The following FAM210A variants were observed in gnomAD, a reference collection of about 807,000 sequenced individuals.
FAM210A encodes mitochondrial inner membrane scaffold 1.
Under a neutral mutation model 25.3 loss-of-function variants are expected in FAM210A, and 13 were observed. The observed-to-expected ratio is 0.51, with a 90% CI of 0.33 to 0.82. The LOEUF is 0.82. Among genes scored for constraint, FAM210A ranks in the 40% least tolerant of loss-of-function variants. FAM210A has a pLI of 0.02. For missense variants in FAM210A, 319 were observed against 323.2 expected (o/e 0.99, Z 0.10); for synonymous variants, 125 against 118.7 (o/e 1.05, Z -0.35).
chr18:13,691,487 C>G (rs891536793), intron 1 of FAM210A, among the ~76,000 whole-genome samples: 4 of 152,018 alleles, frequency 2.6e-5, no homozygotes, highest in Non-Finnish European at 5.9e-5. Context: ...AAGGAAAAAA[C>G]GTTAAGGGCA....
At chr18:13,699,491 T>A (rs1355806280) in intron 1 of FAM210A, among the ~76,000 whole-genome samples, 2 of 152,162 alleles carry the variant, frequency 1.3e-5, no homozygotes, top group Non-Finnish European at 2.9e-5. Flanking sequence ...AATCAATGAT[T>A]TTTCCAAAAT....
At chr18:13,682,366 G>A (rs1160790439) in intron 1 of FAM210A, among the ~76,000 whole-genome samples, 1 of 152,068 alleles carries the variant, frequency 6.6e-6, no homozygotes, top group Non-Finnish European at 1.5e-5. Context: ...CAGGAGTTCC[G>A]AGACCAGCCT....
rs1203955852 is a variant in FAM210A at position 13,726,520 on chromosome 18, C to CGTGCTCGCGACCTCCA, written c.-236_-221dup. ...CCCCGCCAGCCGCGCCCACTAGCAA[C>CGTGCTCGCGACCTCCA]GTGCTCGCGACCTCCAGTGCCCGCT... On this transcript the variant is annotated 5_prime_UTR_variant, in exon 1 of 4. Transcript: ENST00000651643. The CGTGCTCGCGACCTCCA allele has an allele frequency of 6.6e-5, 10 of 152,524 alleles. No homozygotes were observed. The highest frequency in any genetic ancestry group is 2.2e-4 in the African/African-American group (9 of 41,580). 9.4% of individuals were successfully genotyped at this position (152,524 alleles called of 1,614,324 possible). A position where few individuals can be genotyped will look rare whatever the true frequency, so the allele number is the denominator to read the frequency against.
In FAM210A at chr18:13,664,998, C is replaced by T. The variant is rs1476032792; in HGVS notation, c.*1482G>A. The T allele has an allele frequency of 6.5e-6, 1 of 152,802 alleles. No individual in the cohort carries two copies. The highest frequency in any genetic ancestry group is 1.9e-4 in the East Asian group (1 of 5,194). 9.5% of individuals were successfully genotyped at this position (152,802 alleles called of 1,614,324 possible). A position where few individuals can be genotyped will look rare whatever the true frequency, so the allele number is the denominator to read the frequency against. Reference sequence around the variant, plus strand: ...AGACACTTACATACTCAAACACACCCCACCAGCCCCGCAACGCTCACAGCT... The same window carrying T: ...AGACACTTACATACTCAAACACACCTCACCAGCCCCGCAACGCTCACAGCT... On this transcript the variant is annotated 3_prime_UTR_variant, in exon 4 of 4. Transcript: ENST00000651643.
At position 13,681,698 on chromosome 18, in the gene FAM210A, T is replaced by C; in HGVS notation, c.380A>G (p.Lys127Arg). 1 of 1,614,246 alleles carries C rather than the reference T, an allele frequency of 6.2e-7. No individual in the cohort carries two copies. The highest frequency in any genetic ancestry group is 1.1e-5 in the South Asian group (1 of 91,082). The change falls in exon 2 of 4, where the codon AAG becomes AGG. Residue 127 changes from lysine (K) to arginine (R), a missense_variant. Coordinates refer to ENST00000651643, the MANE Select transcript of FAM210A (RefSeq NM_152352.4). Reference sequence around the variant, plus strand: ...TTTTCCATACTGTCTAAATGTCTTCTTGAATCGTTGATAAAGACTAATAGA... The same window carrying C: ...TTTTCCATACTGTCTAAATGTCTTCCTGAATCGTTGATAAAGACTAATAGA... ...DKSISLYQRF[K>R]KTFRQYGKVL...
At chr18:13,715,239 C>G (rs1256575809) in intron 1 of FAM210A, 1 of 152,138 alleles carries the variant, frequency 6.6e-6, no homozygotes, top group African/African-American at 2.4e-5. Context: ...CTCTGGTGGT[C>G]CTCTGCTCCA....
chr18:13,669,343 G>A (rs1198130547), intron 3 of FAM210A, among the ~76,000 whole-genome samples: 1 of 152,154 alleles, frequency 6.6e-6, no homozygotes, highest in Admixed American at 6.5e-5. Flanking sequence ...AAAAAGCAAA[G>A]TCCTTTTAAG....
chr18:13,707,558 A>G (rs1367015161), intron 1 of FAM210A, among the ~76,000 whole-genome samples: 1 of 152,244 alleles, frequency 6.6e-6, no homozygotes, highest in Non-Finnish European at 1.5e-5. Context: ...TAATAGTGAC[A>G]TCAAGGACTA....
At chr18:13,724,289 T>C (rs1447116589) in intron 1 of FAM210A, among the ~76,000 whole-genome samples, 1 of 152,234 alleles carries the variant, frequency 6.6e-6, no homozygotes, top group Non-Finnish European at 1.5e-5. Flanking sequence ...TAGCCAGCAC[T>C]GTTTCATTAT....
intron 1 of FAM210A, among the ~76,000 whole-genome samples, chr18:13,711,262 T>C (rs1173276969): frequency 2.0e-5 from 3 of 152,088 alleles, no homozygotes; most frequent in South Asian, 2.1e-4. Context: ...TCCCAGCTTC[T>C]TGGGAGGCTG....
intron 1 of FAM210A, among the ~76,000 whole-genome samples, chr18:13,694,981 T>C (rs951017294): frequency 2.6e-5 from 4 of 152,222 alleles, no homozygotes; most frequent in African/African-American, 9.6e-5. Flanking sequence ...GACAAAGGGC[T>C]AATATCCAGA....
chr18:13,722,162 C>G (rs986835350), intron 1 of FAM210A, among the ~76,000 whole-genome samples: 1 of 151,996 alleles, frequency 6.6e-6, no homozygotes, highest in African/African-American at 2.4e-5. Flanking sequence ...CCAACGAGTT[C>G]TCTTCTAGGG....
At chr18:13,676,174 C>T (rs868197623) in intron 2 of FAM210A, among the ~76,000 whole-genome samples, 1 of 18,410 alleles carries the variant, frequency 5.4e-5, no homozygotes, top group Non-Finnish European at 1.1e-4. Flanking sequence ...GCCCCGACTT[C>T]ATTTCCAGTT....
intron 1 of FAM210A, among the ~76,000 whole-genome samples, chr18:13,721,668 G>A (rs1568491007): frequency 6.6e-6 from 1 of 152,120 alleles, no homozygotes; most frequent in Non-Finnish European, 1.5e-5. Flanking sequence ...GTCTATACCA[G>A]TTATGCATCC....
chr18:13,682,058 C>G lies in FAM210A; in HGVS notation c.20G>C (p.Arg7Pro), dbSNP rs745561931. 3.1e-6 allele frequency: 5 copies of G among 1,600,014 alleles called. No individual in the cohort carries two copies. The African/African-American group carries it at 5.4e-5, about 17-fold the overall frequency. ...CCTGCGTGCCAGTCGAGATACAGTC[C>G]GTGGTACATTCCATTGCATTTTGAA... MQWNVPRTVSRLARRTC... is the reference protein window; with the variant it reads MQWNVPPTVSRLARRTC... Residue 7 changes from arginine (R) to proline (P), a missense_variant, in exon 2 of 4, where the codon CGG (arginine) becomes CCG (proline). Transcript: ENST00000651643.
intron 2 of FAM210A, among the ~76,000 whole-genome samples, chr18:13,677,432 A>G (rs566540066): frequency 1.3e-5 from 2 of 152,290 alleles, no homozygotes; most frequent in East Asian, 3.9e-4. Flanking sequence ...GTCGTGATCG[A>G]CTGAGTAAGC....
At position 13,663,467 on chromosome 18, in the gene FAM210A, C is replaced by A. The variant is rs955104850; in HGVS notation, c.*3013G>T. 1.3e-5 allele frequency: 2 copies of A among 152,098 alleles called. No individual in the cohort carries two copies. Among genetic ancestry groups the A allele is most frequent in the Admixed American group, 6.6e-5 (1 of 15,266 alleles). 9.4% of individuals were successfully genotyped at this position (152,098 alleles called of 1,614,324 possible). On this transcript the variant is annotated 3_prime_UTR_variant, in exon 4 of 4. Transcript: ENST00000651643. Reference sequence around the variant, plus strand: ...AGCACCCTGCTGTATGTACAAAAGGCTGTCTCAGTGAAATACATTTTTTGA... The same window carrying A: ...AGCACCCTGCTGTATGTACAAAAGGATGTCTCAGTGAAATACATTTTTTGA...
At chr18:13,674,227 GAC>G (rs1491532261) in intron 2 of FAM210A, among the ~76,000 whole-genome samples, 1 of 111,578 alleles carries the variant, frequency 9.0e-6, no homozygotes, top group Non-Finnish European at 1.8e-5. Context: ...CCTGAGCCCC[GAC>G]TTTATTTCCA....
At chr18:13,669,327 C>G (rs540191083) in intron 3 of FAM210A, among the ~76,000 whole-genome samples, 1 of 152,286 alleles carries the variant, frequency 6.6e-6, no homozygotes, top group East Asian at 1.9e-4. Context: ...TCCATGTCCT[C>G]AGGGTAAAAA....
Sources: allele counts gnomAD v4.1 joint callset (sites outside exome capture counted in the v4.1 genomes callset), GRCh38; gene constraint gnomAD v4.1.1; transcripts MANE v1.5; gene names NCBI Gene and HGNC (gene_info 2026-07-23, HGNC 2026-07-21).